Variants in GIN1 observed in about 807,000 individuals in gnomAD.
GIN1 encodes the protein gypsy retrotransposon integrase 1, also known as gypsy retrotransposon integrase-like protein 1.
A neutral mutation model predicts 51.4 loss-of-function variants in GIN1; 41 were observed. The observed-to-expected ratio is 0.80, with a 90% CI of 0.62 to 1.04. The LOEUF (loss-of-function observed/expected upper bound fraction) is 1.04. GIN1 is among the 50% of genes least tolerant of loss of function. The pLI is 0.00. For missense variants in GIN1, 610 were observed against 612.4 expected, an observed-to-expected ratio of 1.00 and a Z score of 0.04; for synonymous variants, 222 against 206.5, an observed-to-expected ratio of 1.07 and a Z score of -0.64.
chr5:103,096,114 G>A (rs1265009523), intron 7 of GIN1, among the ~76,000 whole-genome samples: 1 of 151,966 alleles, frequency 6.6e-6, no homozygotes, highest in Non-Finnish European at 1.5e-5. Context: ...AGTCAAGGCG[G>A]GCAGGTCACG....
At position 103,087,538 on chromosome 5, in the gene GIN1, T is replaced by C. The variant is rs1554194016; in HGVS notation, c.*360A>G. The C allele has an allele frequency of 6.3e-6, 1 of 158,230 alleles. No individual in the cohort carries two copies. The highest frequency in any genetic ancestry group is 2.4e-5 in the African/African-American group (1 of 41,714). 9.8% of individuals were successfully genotyped at this position (158,230 alleles called of 1,614,324 possible). ...CAATTCCATTCAAGGTAGTTCAAAC[T>C]TACTGTTTAAATGGTAGAGAATTTC... On this transcript the variant is annotated 3_prime_UTR_variant, in exon 8 of 8. Transcript: ENST00000399004.
At chr5:103,098,715 T>G (rs1554195434) in intron 4 of GIN1, among the ~76,000 whole-genome samples, 1 of 152,142 alleles carries the variant, frequency 6.6e-6, no homozygotes, top group Non-Finnish European at 1.5e-5. Context: ...CACCTCAGTC[T>G]TTCAAAGTTT....
chr5:103,104,930 T>C, intron 3 of GIN1, 84 bp from the exon 4 acceptor site: 1 of 814,640 alleles, frequency 1.2e-6, no homozygotes, highest in Non-Finnish European at 1.9e-6. Flanking sequence ...ATCTGAATTT[T>C]AAAATGGTTA....
intron 4 of GIN1, among the ~76,000 whole-genome samples, chr5:103,104,292 T>C (rs181785145): frequency 7.2e-5 from 11 of 152,286 alleles, no homozygotes; most frequent in Admixed American, 3.9e-4. Flanking sequence ...GATTATTTGG[T>C]CCAACCTCCT....
intron 1 of GIN1, among the ~76,000 whole-genome samples, chr5:103,118,492 T>C (rs782281140): frequency 6.6e-6 from 1 of 152,188 alleles, no homozygotes; most frequent in Non-Finnish European, 1.5e-5. Flanking sequence ...TAATGTTTTA[T>C]AGCAATGTTT....
chr5:103,092,924 C>T (rs1787288725), intron 7 of GIN1, among the ~76,000 whole-genome samples: 1 of 94,978 alleles, frequency 1.1e-5, no homozygotes, highest in African/African-American at 4.2e-5. Flanking sequence ...CCAGCACGGG[C>T]AACCATGTAA....
chr5:103,092,050 A>G (rs1259138219), intron 7 of GIN1, among the ~76,000 whole-genome samples: 1 of 151,226 alleles, frequency 6.6e-6, no homozygotes, highest in Non-Finnish European at 1.5e-5. Flanking sequence ...ATGGGGTCTC[A>G]CTCTGTCACT....
chr5:103,104,635 GCTGAAA>G lies in GIN1; in HGVS notation c.539_544del (p.Val180_Ser181del), dbSNP rs1787671662. On this transcript the variant is annotated inframe_deletion, in exon 4 of 8. Coordinates refer to ENST00000399004, the MANE Select transcript of GIN1 (RefSeq NM_017676.2). ...GATAATAGCTTTAGAAACTTCTGAT[GCTGAAA>G]CATCACATAGAGGCAAAATCACAAT... 6.3e-7 allele frequency: 1 copy of G among 1,594,858 alleles called. No homozygotes were observed. The highest frequency in any genetic ancestry group is 8.6e-7 in the Non-Finnish European group (1 of 1,162,574).
At chr5:103,110,163 A>C (rs1245235517) in intron 1 of GIN1, among the ~76,000 whole-genome samples, 2 of 152,036 alleles carry the variant, frequency 1.3e-5, no homozygotes, top group Non-Finnish European at 2.9e-5. Context: ...AAGATCTTTC[A>C]AATCTTAGGC....
In GIN1 at chr5:103,112,451, T is replaced by C. The variant is rs1163691925; in HGVS notation, c.-7-3737A>G. Among the ~76,000 whole-genome samples the C allele has an allele frequency of 4.6e-5, 7 of 152,190 alleles. No individual in the cohort carries two copies. In the East Asian group the frequency reaches 1.2e-3, roughly 25 times the overall value. On this transcript the variant is annotated intron_variant, in intron 1 of 7. Transcript: ENST00000399004. ...ACACCATGAGACTGCCTCTGGGCAT[T>C]ATCTTCCACTTAGTGGCTAAGGTCT...
chr5:103,091,609 TA>T lies in GIN1; in HGVS notation c.1295-3438del, dbSNP rs375783234. 7.6e-4 allele frequency among the ~76,000 whole-genome samples: 115 copies of T among 152,170 alleles called. 1 individual carries two copies. Among genetic ancestry groups the T allele is most frequent in the South Asian group, 4.1e-3 (20 of 4,824 alleles). ...AATAAGTCTTTAGTTTCTTTGAAAT[TA>T]AAATATTTTCAAGACATTTCAGGAA... On this transcript the variant is annotated intron_variant, in intron 7 of 7. Coordinates refer to ENST00000399004, the MANE Select transcript of GIN1 (RefSeq NM_017676.2).
rs782554467 is a variant in GIN1 at position 103,108,635 on chromosome 5, G to T, written c.73C>A (p.His25Asn). The change falls in exon 2 of 8, where the codon CAT (histidine) becomes AAT (asparagine). Residue 25 changes from histidine to asparagine, a missense_variant. His to Asn is a moderately conservative substitution (Grantham distance 68). Coordinates refer to ENST00000399004, the MANE Select transcript of GIN1 (RefSeq NM_017676.2). ...CTCTCACTTGGCAGTGTAGTTGAAT[G>T]ATATTCACCAGTTCGTTTGTAATAT... ...IAYYKRTGEY[H>N]STTLPSERSG... The T allele has an allele frequency of 2.5e-6, 4 of 1,601,740 alleles. No individual in the cohort carries two copies. The highest frequency in any genetic ancestry group is 3.3e-5 in the Admixed American group (2 of 59,718).
In GIN1 at chr5:103,097,733, A is replaced by G; in HGVS notation, c.688T>C (p.Ser230Pro). Residue 230 changes from serine (S) to proline (P), a missense_variant, in exon 5 of 8, where the codon TCT (serine) becomes CCT (proline). Coordinates refer to ENST00000399004, the MANE Select transcript of GIN1 (RefSeq NM_017676.2). ...RLFGIKQIVI[S>P]HTSGTVNPTE... ...GGGTTAACAGTTCCAGAGGTGTGAG[A>G]AATTACAATTTGCTTTATGCCAAAC... 1 of 1,588,468 alleles carries G rather than the reference A, an allele frequency of 6.3e-7. No homozygotes were observed. Among genetic ancestry groups the G allele is most frequent in the Non-Finnish European group, 8.6e-7 (1 of 1,156,506 alleles).
chr5:103,100,199 C>T (rs1787530933), intron 4 of GIN1, among the ~76,000 whole-genome samples: 3 of 151,262 alleles, frequency 2.0e-5, no homozygotes, highest in Admixed American at 2.0e-4. Flanking sequence ...CTCCTGGGCT[C>T]AAGCGATCTT....
At chr5:103,107,146 T>G (rs1554196405) in intron 2 of GIN1, among the ~76,000 whole-genome samples, 2 of 152,054 alleles carry the variant, frequency 1.3e-5, no homozygotes. Flanking sequence ...GCTATCAATA[T>G]AAGTAGAGCA....
chr5:103,087,901 A>C lies in GIN1; in HGVS notation c.1566T>G (p.Ser522Arg), dbSNP rs1554194071. ...DSSNQVLEYL[S>R] ...TTTAAATAAATTTTGGTATTTACTAACTTAAGTATTCAAGAACCTGGTTTG... is the reference window on the plus strand; with the variant it reads ...TTTAAATAAATTTTGGTATTTACTACCTTAAGTATTCAAGAACCTGGTTTG... Residue 522 changes from serine (S) to arginine (R), a missense_variant, in exon 8 of 8, where the codon AGT (serine) becomes AGG (arginine). Coordinates refer to ENST00000399004, the MANE Select transcript of GIN1 (RefSeq NM_017676.2). 7.1e-7 allele frequency: 1 copy of C among 1,412,302 alleles called. No homozygotes were observed. The allele number at this position is 1,412,302 out of a possible 1,614,324, so 87.5% of individuals were successfully genotyped here. A position where few individuals can be genotyped will look rare whatever the true frequency, so the allele number is the denominator to read the frequency against.
chr5:103,109,961 T>G (rs1229037361), intron 1 of GIN1, among the ~76,000 whole-genome samples: 3 of 152,074 alleles, frequency 2.0e-5, no homozygotes, highest in Admixed American at 2.0e-4. Flanking sequence ...ACGTTTACAA[T>G]GAAGATATCA....
At chr5:103,092,110 C>T (rs549371388) in intron 7 of GIN1, among the ~76,000 whole-genome samples, 5 of 151,986 alleles carry the variant, frequency 3.3e-5, no homozygotes, top group East Asian at 1.9e-4. Context: ...CTCAGTCTCC[C>T]GGGCTCAAGT....
chr5:103,108,825 A>G, intron 1 of GIN1, 111 bp from the exon 2 acceptor site: 1 of 701,284 alleles, frequency 1.4e-6, no homozygotes, highest in Non-Finnish European at 2.4e-6. Flanking sequence ...GAATTCCCAG[A>G]ATTTATTTGT....
Sources: gnomAD v4.1 joint callset for allele counts (sites outside exome capture counted in the v4.1 genomes callset) on GRCh38, gnomAD v4.1.1 for gene constraint, MANE v1.5 for transcripts, NCBI Gene and HGNC (gene_info 2026-07-23, HGNC 2026-07-21) for gene names.